Variants in RAP1GAP observed in about 807,000 individuals in gnomAD.
RAP1GAP encodes the protein RAP1 GTPase activating protein.
RAP1GAP carries 35 observed loss-of-function variants against 87.2 expected under a neutral mutation model. That is an observed-to-expected ratio of 0.40 (90% CI 0.31 to 0.53). The LOEUF (loss-of-function observed/expected upper bound fraction) is 0.53. RAP1GAP is among the 20% of genes least tolerant of loss of function. The pLI, the probability that RAP1GAP is intolerant of heterozygous loss-of-function variation, is 0.48. For missense variants in RAP1GAP, 734 were observed against 898.9 expected, an observed-to-expected ratio of 0.82 and a Z score of 2.35; for synonymous variants, 375 against 363.9, an observed-to-expected ratio of 1.03 and a Z score of -0.35.
At chr1:21,663,680 C>A (rs2097233889) in intron 1 of RAP1GAP, among the ~76,000 whole-genome samples, 1 of 152,150 alleles carries the variant, frequency 6.6e-6, no homozygotes, top group Admixed American at 6.5e-5. Flanking sequence ...AGAACTGGGG[C>A]CCAGAGTTCA....
chr1:21,640,571 C>G (rs534874870), intron 2 of RAP1GAP, among the ~76,000 whole-genome samples: 27 of 152,328 alleles, frequency 1.8e-4, no homozygotes, highest in African/African-American at 6.5e-4. Flanking sequence ...CTCAAAGAAC[C>G]TTTCCTCAGC....
At chr1:21,650,137 G>A (rs1394722068) in intron 1 of RAP1GAP, among the ~76,000 whole-genome samples, 1 of 152,040 alleles carries the variant, frequency 6.6e-6, no homozygotes, top group Non-Finnish European at 1.5e-5. Flanking sequence ...ATGTAGGGGT[G>A]CGGCTGGGGC....
chr1:21,658,582 A>C (rs1262347901), intron 1 of RAP1GAP, among the ~76,000 whole-genome samples: 2 of 148,786 alleles, frequency 1.3e-5, no homozygotes, highest in African/African-American at 5.0e-5. Context: ...AAAAACAAAA[A>C]CAAAAAATCT....
intron 19 of RAP1GAP, 55 bp downstream of exon 19, chr1:21,602,749 T>C: frequency 6.8e-7 from 1 of 1,476,950 alleles, no homozygotes; most frequent in African/African-American, 1.4e-5. Flanking sequence ...TGCCACCGAA[T>C]GGGGCTCAGG....
chr1:21,639,444 A>T (rs1273340554), intron 2 of RAP1GAP, among the ~76,000 whole-genome samples: 2 of 152,220 alleles, frequency 1.3e-5, no homozygotes. Flanking sequence ...CTGAAAGTCA[A>T]ACGGAACTGA....
chr1:21,638,488 G>A (rs1035102892), intron 2 of RAP1GAP, among the ~76,000 whole-genome samples: 1 of 151,652 alleles, frequency 6.6e-6, no homozygotes, highest in African/African-American at 2.4e-5. Context: ...AGAGAAAAGG[G>A]GCTTGCTGCG....
In RAP1GAP at chr1:21,669,146, T is replaced by C. The variant is rs1338843746; in HGVS notation, c.-149+108A>G. ...GTCCCCCACGCGTTCGCCCCCACCCTCCGTCCCCGCCCGCCCGCGCGGGGT... is the reference window on the plus strand; with the variant it reads ...GTCCCCCACGCGTTCGCCCCCACCCCCCGTCCCCGCCCGCCCGCGCGGGGT... On this transcript the variant is annotated intron_variant, in intron 1 of 24. Transcript: ENST00000374765. The surrounding 1 kb of genome is among the most constrained non-coding windows in gnomAD (Gnocchi z 5.6). 1 of 1,135,400 alleles carries C rather than the reference T, an allele frequency of 8.8e-7. No homozygotes were observed. The highest frequency in any genetic ancestry group is 1.6e-5 in the South Asian group (1 of 63,886). The allele number at this position is 1,135,400 out of a possible 1,614,324, so 70.3% of individuals were successfully genotyped here.
In RAP1GAP at chr1:21,613,539, C is replaced by T; in HGVS notation, c.474+89G>A. The T allele has an allele frequency of 1.6e-6, 2 of 1,259,544 alleles. No homozygotes were observed. The highest frequency in any genetic ancestry group is 2.3e-6 in the Non-Finnish European group (2 of 861,338). 78.0% of individuals were successfully genotyped at this position (1,259,544 alleles called of 1,614,324 possible). A position where few individuals can be genotyped will look rare whatever the true frequency, so the allele number is the denominator to read the frequency against. On this transcript the variant is annotated intron_variant, in intron 9 of 24. Transcript: ENST00000374765. This position sits in a 1 kb window ranked among gnomAD's most constrained non-coding sequence, Gnocchi z 4.7. ...GGCAGGCCAGGGCTAGGGCCTACAG[C>T]TGAAGGGGACGCGCCAAGGCAAGCT...
chr1:21,618,935 T>G, intron 5 of RAP1GAP, 90 bp downstream of exon 5: 3 of 1,391,686 alleles, frequency 2.2e-6, no homozygotes, highest in Non-Finnish European at 3.0e-6. Context: ...TGAAAGGGGA[T>G]GGATTTCCTG....
At chr1:21,633,211 C>T (rs375474396) in intron 2 of RAP1GAP, among the ~76,000 whole-genome samples, 3 of 152,184 alleles carry the variant, frequency 2.0e-5, no homozygotes, top group Non-Finnish European at 4.4e-5. Context: ...CTTTGGCCCC[C>T]CGGAGATAGC....
intron 3 of RAP1GAP, 122 bp downstream of exon 3, chr1:21,626,182 T>C: frequency 2.3e-6 from 2 of 870,086 alleles, no homozygotes; most frequent in Admixed American, 2.0e-5. Flanking sequence ...CTAAACCCCA[T>C]CAGCATCTGC....
chr1:21,666,687 A>T (rs2097361801), intron 1 of RAP1GAP, among the ~76,000 whole-genome samples: 1 of 152,126 alleles, frequency 6.6e-6, no homozygotes, highest in Non-Finnish European at 1.5e-5. Context: ...AACATCCCAC[A>T]CGCAGGAAGC....
Position 21,619,463 on chromosome 1 carries a change from GGA to G in RAP1GAP, c.19-393_19-392del, listed in dbSNP as rs146162760. On this transcript the variant is annotated intron_variant, in intron 4 of 24. Transcript: ENST00000374765. ...GAAAGACAGAGAAATAGGAGGCATT[GGA>G]GAGAGAGACAGAAAGAGAAACAGGA... is the stretch of plus-strand genomic sequence containing the variant. 2.4e-3 allele frequency among the ~76,000 whole-genome samples: 358 copies of G among 152,104 alleles called. 3 individuals carry two copies. The highest frequency in any genetic ancestry group is 8.2e-3 in the African/African-American group (342 of 41,472).
In RAP1GAP at chr1:21,597,743, T is replaced by C; in HGVS notation, c.1984-15A>G. ...GGCTAACAGCCCTGCAGACAGACAG[T>C]GGTGGTGAGGCAGGTGGCAAGACGG... On this transcript the variant is annotated splice_polypyrimidine_tract_variant and intron_variant, in intron 23 of 24. Coordinates refer to ENST00000374765, the MANE Select transcript of RAP1GAP (RefSeq NM_002885.4). 1 of 1,613,250 alleles carries C rather than the reference T, an allele frequency of 6.2e-7. No individual in the cohort carries two copies. Among genetic ancestry groups the C allele is most frequent in the South Asian group, 1.1e-5 (1 of 91,016 alleles).
At chr1:21,617,160 G>T in intron 7 of RAP1GAP, 146 bp downstream of exon 7, 1 of 865,480 alleles carries the variant, frequency 1.2e-6, no homozygotes, top group Non-Finnish European at 1.7e-6. Flanking sequence ...GACTGGGAGT[G>T]TGTGTGGTGG....
chr1:21,651,205 G>T (rs1004798213), intron 1 of RAP1GAP, among the ~76,000 whole-genome samples: 1 of 152,232 alleles, frequency 6.6e-6, no homozygotes, highest in African/African-American at 2.4e-5. Context: ...GGCCCAGGGA[G>T]GAGGAGGTTC....
chr1:21,614,717 C>T (rs536850583), intron 7 of RAP1GAP, among the ~76,000 whole-genome samples: 8 of 152,196 alleles, frequency 5.3e-5, no homozygotes, highest in African/African-American at 1.9e-4. Context: ...GGGATGGCAC[C>T]CCCAGAGAGG....
In RAP1GAP at chr1:21,603,809, G is replaced by C. The variant is rs768367240; in HGVS notation, c.1429-896C>G. The C allele has an allele frequency of 1.2e-5, 19 of 1,603,000 alleles. No homozygotes were observed. The highest frequency in any genetic ancestry group is 3.3e-5 in the Admixed American group (2 of 59,942). ...GAACAGCGCGTGCAGGCAGCCTCCA[G>C]AGCCGGCGGCCCCGCGGACGACAAC... On this transcript the variant is annotated intron_variant, in intron 18 of 24. Coordinates refer to ENST00000374765, the MANE Select transcript of RAP1GAP (RefSeq NM_002885.4). The surrounding 1 kb of genome is among the most constrained non-coding windows in gnomAD (Gnocchi z 6.0).
intron 2 of RAP1GAP, among the ~76,000 whole-genome samples, chr1:21,628,646 G>T (rs989242704): frequency 1.9e-4 from 29 of 152,258 alleles, no homozygotes; most frequent in African/African-American, 6.0e-4. Context: ...CTTGAACCCG[G>T]GAGGCGGAGG....
Sources: allele counts gnomAD v4.1 joint callset (sites outside exome capture counted in the v4.1 genomes callset), GRCh38; gene constraint gnomAD v4.1.1; non-coding constraint Gnocchi (gnomAD v3.1); transcripts MANE v1.5; gene names NCBI Gene and HGNC (gene_info 2026-07-23, HGNC 2026-07-21).